VAV3: variants seen among roughly 807,000 people sequenced by gnomAD.
The protein encoded by VAV3 is guanine nucleotide exchange factor VAV3.
VAV3 carries 94 observed loss-of-function variants against 131.2 expected under a neutral mutation model. That is an observed-to-expected ratio of 0.72 (90% CI 0.61 to 0.85). The LOEUF (loss-of-function observed/expected upper bound fraction) is 0.85. VAV3 is among the 40% of genes least tolerant of loss of function. VAV3 has a pLI of 0.00. For missense variants in VAV3, 939 were observed against 1,002.7 expected, an observed-to-expected ratio of 0.94 and a Z score of 0.86; for synonymous variants, 349 against 342.0, an observed-to-expected ratio of 1.02 and a Z score of -0.22.
chr1:107,959,835 T>C (rs1674997439), intron 1 of VAV3, among the ~76,000 whole-genome samples: 1 of 152,142 alleles, frequency 6.6e-6, no homozygotes, highest in South Asian at 2.1e-4. Context: ...TAGCTCCAGA[T>C]ATTCCTTCCC....
chr1:107,755,422 C>T lies in VAV3; in HGVS notation c.1173+5G>A, dbSNP rs1160210413. ...GGGAAGCTGGATGGAAAGATAATTACATACCAAATTCTCTATAGATAGCTG... is the reference window on the plus strand; with the variant it reads ...GGGAAGCTGGATGGAAAGATAATTATATACCAAATTCTCTATAGATAGCTG... On this transcript the variant is annotated splice_donor_5th_base_variant and intron_variant, in intron 12 of 26. Transcript: ENST00000370056. 1 of 1,597,112 alleles carries T rather than the reference C, an allele frequency of 6.3e-7. No individual in the cohort carries two copies. The highest frequency in any genetic ancestry group is 1.7e-5 in the Admixed American group (1 of 59,904).
intron 20 of VAV3, among the ~76,000 whole-genome samples, chr1:107,618,795 T>C (rs999722027): frequency 1.3e-5 from 2 of 152,164 alleles, no homozygotes; most frequent in Admixed American, 6.5e-5. Flanking sequence ...TGTACAAGCA[T>C]AATAGAGACT....
At chr1:107,938,038 G>A (rs1312498436) in intron 1 of VAV3, among the ~76,000 whole-genome samples, 3 of 152,112 alleles carry the variant, frequency 2.0e-5, no homozygotes, top group Non-Finnish European at 4.4e-5. Flanking sequence ...CTGTCACACA[G>A]AGCATGTCTG....
intron 2 of VAV3, among the ~76,000 whole-genome samples, chr1:107,842,807 A>G (rs1668784903): frequency 6.6e-6 from 1 of 152,154 alleles, no homozygotes; most frequent in African/African-American, 2.4e-5. Context: ...TTATCTGTCT[A>G]GAAATTTCTC....
At chr1:107,962,778 A>G (rs1675162299) in intron 1 of VAV3, among the ~76,000 whole-genome samples, 1 of 152,238 alleles carries the variant, frequency 6.6e-6, no homozygotes, top group Non-Finnish European at 1.5e-5. Flanking sequence ...AAGGTTGAAC[A>G]GACTTAAGAA....
At chr1:107,594,547 T>C (rs867595912) in intron 25 of VAV3, among the ~76,000 whole-genome samples, 3 of 152,144 alleles carry the variant, frequency 2.0e-5, no homozygotes, top group Non-Finnish European at 4.4e-5. Context: ...AAAATTTATC[T>C]GGGGCTAGCA....
At chr1:107,954,261 T>C (rs984500792) in intron 1 of VAV3, among the ~76,000 whole-genome samples, 10 of 152,158 alleles carry the variant, frequency 6.6e-5, no homozygotes, top group African/African-American at 2.4e-4. Flanking sequence ...TAAACAACAG[T>C]GTTCCTGCTT....
chr1:107,580,135 C>T (rs1175570467), intron 25 of VAV3, among the ~76,000 whole-genome samples: 2 of 152,152 alleles, frequency 1.3e-5, no homozygotes. Flanking sequence ...AGGGCAGGGG[C>T]CAGTTCTAAT....
intron 19 of VAV3, among the ~76,000 whole-genome samples, chr1:107,653,162 T>C (rs1272070571): frequency 1.3e-5 from 2 of 151,838 alleles, no homozygotes; most frequent in Non-Finnish European, 1.5e-5. Context: ...ATGAAGAGCA[T>C]GTGCAATTGG....
chr1:107,854,949 G>C (rs527713955), intron 2 of VAV3, among the ~76,000 whole-genome samples: 1 of 152,134 alleles, frequency 6.6e-6, no homozygotes, highest in Non-Finnish European at 1.5e-5. Flanking sequence ...CATAGCGACC[G>C]AGCATCCATC....
chr1:107,918,518 G>A (rs1672728471), intron 1 of VAV3, among the ~76,000 whole-genome samples: 2 of 151,964 alleles, frequency 1.3e-5, no homozygotes, highest in Non-Finnish European at 2.9e-5. Context: ...GGTAAATGAT[G>A]AAAGAGGCCA....
intron 1 of VAV3, among the ~76,000 whole-genome samples, chr1:107,926,397 A>G (rs1446562371): frequency 2.6e-5 from 4 of 152,246 alleles, no homozygotes; most frequent in African/African-American, 4.8e-5. Context: ...AGATGGTGGA[A>G]TAGAAGGCTA....
At chr1:107,772,882 T>C (rs1360000006) in intron 4 of VAV3, 39 bp from the exon 5 acceptor site, 1 of 1,525,296 alleles carries the variant, frequency 6.6e-7, no homozygotes, top group East Asian at 2.3e-5. Context: ...TTTTCTATTA[T>C]GCAGTAAATG....
chr1:107,866,822 CAAAAAAAAAA>C lies in VAV3; in HGVS notation c.321+8069_321+8078del, dbSNP rs66866060. On this transcript the variant is annotated intron_variant, in intron 2 of 26. Transcript: ENST00000370056. ...TGGGCAAAAGAGCGAGACTCCATCTCAAAAAAAAAAAAAAAAAAAAAAAAAATAGGGCATT... is the reference window on the plus strand; with the variant it reads ...TGGGCAAAAGAGCGAGACTCCATCTCAAAAAAAAAAAAAAAATAGGGCATT... Among the ~76,000 whole-genome samples, 10 of 59,206 alleles carry C rather than the reference CAAAAAAAAAA, an allele frequency of 1.7e-4. No individual in the cohort carries two copies. In the South Asian group the frequency reaches 1.9e-3, roughly 11 times the overall value. The allele number at this position is 59,206 out of a possible 152,430, so 38.8% of individuals were successfully genotyped here.
intron 18 of VAV3, among the ~76,000 whole-genome samples, chr1:107,687,529 G>A (rs1020423278): frequency 2.6e-5 from 4 of 151,912 alleles, no homozygotes; most frequent in African/African-American, 9.7e-5. Flanking sequence ...ATTTTTCTAT[G>A]ATTTCTAAAA....
chr1:107,582,383 AC>A (rs1650121018), intron 25 of VAV3, among the ~76,000 whole-genome samples: 1 of 151,890 alleles, frequency 6.6e-6, no homozygotes, highest in South Asian at 2.1e-4. Flanking sequence ...ATGACCTAAA[AC>A]CCTATTGTTT....
chr1:107,868,756 G>C (rs1670119054), intron 2 of VAV3, among the ~76,000 whole-genome samples: 2 of 152,128 alleles, frequency 1.3e-5, no homozygotes, highest in African/African-American at 4.8e-5. Flanking sequence ...CGGTAATAAA[G>C]ATTAACACAT....
intron 20 of VAV3, among the ~76,000 whole-genome samples, chr1:107,633,837 T>C (rs865827163): frequency 6.6e-6 from 1 of 152,110 alleles, no homozygotes; most frequent in Non-Finnish European, 1.5e-5. Flanking sequence ...AGAAAGCCTC[T>C]GCTGAGTTCC....
At chr1:107,746,956 T>C (rs12130828) in intron 15 of VAV3, among the ~76,000 whole-genome samples, 8,847 of 151,976 alleles carry the variant, frequency 0.058, 347 homozygotes, top group Non-Finnish European at 0.09. Context: ...CTCAGCTCAC[T>C]GCAACCTCCG....
Sources: gnomAD v4.1 joint callset for allele counts (sites outside exome capture counted in the v4.1 genomes callset) on GRCh38, gnomAD v4.1.1 for gene constraint, MANE v1.5 for transcripts, NCBI Gene and HGNC (gene_info 2026-07-23, HGNC 2026-07-21) for gene names.